The following MIS18A variants were observed in gnomAD, a reference collection of about 807,000 sequenced individuals.
MIS18A encodes MIS18 kinetochore protein A.
MIS18A carries 14 observed loss-of-function variants against 25.0 expected under a neutral mutation model. That is an observed-to-expected ratio of 0.56 (90% CI 0.37 to 0.88). The LOEUF is 0.88. Ranked by LOEUF, MIS18A falls within the 40% of genes least tolerant of loss-of-function variation. MIS18A has a pLI of 0.00. For synonymous variants in MIS18A, 134 were observed against 118.6 expected, an observed-to-expected ratio of 1.13 and a Z score of -0.84; for missense variants, 292 against 290.8, an observed-to-expected ratio of 1.00 and a Z score of -0.03.
chr21:32,183,002 G>A, the MIS18A span, among the ~76,000 whole-genome samples: 38 of 152,130 alleles, frequency 2.5e-4, no homozygotes, highest in Non-Finnish European at 4.9e-4. Flanking sequence ...CATTTCTTCT[G>A]GGGATTAGTT....
chr21:32,181,214 C>G, the MIS18A span, among the ~76,000 whole-genome samples: 1 of 152,152 alleles, frequency 6.6e-6, no homozygotes, highest in Non-Finnish European at 1.5e-5. Flanking sequence ...CCTCAGCACT[C>G]CTGGTTTTCA....
At chr21:32,160,264 G>C in the MIS18A span, among the ~76,000 whole-genome samples, 9 of 149,090 alleles carry the variant, frequency 6.0e-5, no homozygotes, top group African/African-American at 2.2e-4. Context: ...TCAGAGCTTA[G>C]TCCTCAATAA....
chr21:32,255,656 G>A, the MIS18A span, among the ~76,000 whole-genome samples: 44 of 151,702 alleles, frequency 2.9e-4, no homozygotes, highest in African/African-American at 9.9e-4. Flanking sequence ...TTGGGAGGCC[G>A]AGGAGGGTGG....
chr21:32,234,741 G>A, the MIS18A span, among the ~76,000 whole-genome samples: 3 of 152,088 alleles, frequency 2.0e-5, no homozygotes, highest in Non-Finnish European at 4.4e-5. Flanking sequence ...AGGCTCTGCC[G>A]TGATTGGAAG....
chr21:32,173,986 G>A, the MIS18A span, among the ~76,000 whole-genome samples: 19 of 35,318 alleles, frequency 5.4e-4, no homozygotes, highest in African/African-American at 3.5e-3. Flanking sequence ...TTTTTTTTGA[G>A]ACGGAGTCTC....
At chr21:32,176,775 A>G in the MIS18A span, among the ~76,000 whole-genome samples, 2 of 148,766 alleles carry the variant, frequency 1.3e-5, no homozygotes, top group Admixed American at 6.8e-5. Context: ...AATATCAACA[A>G]GGCAAAACTT....
downstream of MIS18A, among the ~76,000 whole-genome samples, chr21:32,263,371 G>A (rs1171360389): frequency 2.6e-5 from 4 of 152,304 alleles, no homozygotes; most frequent in Middle Eastern, 3.4e-3. Context: ...TGAGGCGGGC[G>A]GGTCACTTGA....
rs564341154 is a variant in MIS18A at position 32,273,790 on chromosome 21, T to C, written c.401+1040A>G. Among the ~76,000 whole-genome samples the C allele has an allele frequency of 7.2e-5, 11 of 152,360 alleles. No individual in the cohort carries two copies. In the East Asian group the frequency reaches 1.3e-3, roughly 19 times the overall value. On this transcript the variant is annotated intron_variant, in intron 2 of 4. Transcript: ENST00000290130. Reference sequence around the variant, plus strand: ...AGCATCACTAAAAATGAAAAGCCAGTATTTTTAATACACATTAAAATATAC... The same window carrying C: ...AGCATCACTAAAAATGAAAAGCCAGCATTTTTAATACACATTAAAATATAC...
chr21:32,165,232 C>T, the MIS18A span, among the ~76,000 whole-genome samples: 2 of 152,120 alleles, frequency 1.3e-5, no homozygotes, highest in Non-Finnish European at 1.5e-5. Context: ...ACTCGGGAGG[C>T]TGACGCAGGA....
chr21:32,233,606 A>G, the MIS18A span, among the ~76,000 whole-genome samples: 120 of 152,258 alleles, frequency 7.9e-4, 1 homozygote, highest in African/African-American at 2.7e-3. Flanking sequence ...TTGGCCATCA[A>G]ATTTTGTGCC....
At chr21:32,166,972 C>T in the MIS18A span, among the ~76,000 whole-genome samples, 10 of 152,118 alleles carry the variant, frequency 6.6e-5, no homozygotes, top group South Asian at 1.5e-3. Context: ...ATGATGGGCT[C>T]GAGAGTAATT....
chr21:32,200,831 T>G, the MIS18A span, among the ~76,000 whole-genome samples: 1 of 152,172 alleles, frequency 6.6e-6, no homozygotes, highest in Admixed American at 6.5e-5. Flanking sequence ...CTCAGGTTAC[T>G]GTACACTTAG....
the MIS18A span, among the ~76,000 whole-genome samples, chr21:32,163,113 T>A: frequency 6.6e-6 from 1 of 152,364 alleles, no homozygotes; most frequent in East Asian, 1.9e-4. Flanking sequence ...AAGAATCAGA[T>A]GCTGGTTTAA....
At chr21:32,262,580 G>A in the MIS18A span, among the ~76,000 whole-genome samples, 1 of 152,108 alleles carries the variant, frequency 6.6e-6, no homozygotes, top group Non-Finnish European at 1.5e-5. Flanking sequence ...GTTGGTTCAT[G>A]GTCTCACTTC....
intron 1 of MIS18A, among the ~76,000 whole-genome samples, chr21:32,277,684 C>G (rs932343138): frequency 8.5e-5 from 13 of 152,144 alleles, no homozygotes; most frequent in Non-Finnish European, 1.3e-4. Flanking sequence ...GTTTCATTCA[C>G]CATGTTGGCA....
chr21:32,164,695 A>G, the MIS18A span, among the ~76,000 whole-genome samples: 2 of 151,818 alleles, frequency 1.3e-5, no homozygotes, highest in African/African-American at 4.8e-5. Context: ...TATGTTATAC[A>G]TCAATAACAG....
downstream of MIS18A, among the ~76,000 whole-genome samples, chr21:32,265,712 T>C (rs2031585249): frequency 6.6e-6 from 1 of 152,234 alleles, no homozygotes; most frequent in Admixed American, 6.5e-5. Flanking sequence ...GGCTGAGGAA[T>C]GCGAGCACAG....
chr21:32,178,757 G>C, the MIS18A span, among the ~76,000 whole-genome samples: 1 of 152,126 alleles, frequency 6.6e-6, no homozygotes, highest in African/African-American at 2.4e-5. Flanking sequence ...TCATCACTGA[G>C]GGAAAATCCT....
chr21:32,274,912 G>A lies in MIS18A; in HGVS notation c.335-16C>T. On this transcript the variant is annotated splice_polypyrimidine_tract_variant and intron_variant, in intron 1 of 4. Transcript: ENST00000290130. ...CAGGAAACACCTAGAAACAGAGAAA[G>A]TAACAATAATTTATTAATGTAGTTC... 6.3e-7 allele frequency: 1 copy of A among 1,597,458 alleles called. No homozygotes were observed. The highest frequency in any genetic ancestry group is 8.6e-7 in the Non-Finnish European group (1 of 1,166,954).
Sources: allele counts gnomAD v4.1 joint callset (sites outside exome capture counted in the v4.1 genomes callset), GRCh38; gene constraint gnomAD v4.1.1; transcripts MANE v1.5; gene names NCBI Gene and HGNC (gene_info 2026-07-23, HGNC 2026-07-21).